IL1RAPL2: variants seen among roughly 807,000 people sequenced by gnomAD.
IL1RAPL2 encodes X-linked interleukin-1 receptor accessory protein-like 2.
IL1RAPL2 carries 3 observed loss-of-function variants against 44.1 expected under a neutral mutation model. The observed-to-expected ratio is 0.07, with a 90% CI of 0.03 to 0.18. The LOEUF is 0.18. Ranked by LOEUF, IL1RAPL2 falls within the 10% of genes least tolerant of loss-of-function variation. The pLI is 1.00. For missense variants in IL1RAPL2, 391 were observed against 496.4 expected, an observed-to-expected ratio of 0.79 and a Z score of 2.02; for synonymous variants, 181 against 178.8, an observed-to-expected ratio of 1.01 and a Z score of -0.10.
intron 2 of IL1RAPL2, among the ~76,000 whole-genome samples, chrX:105,190,444 A>C (rs2147609853): frequency 8.9e-6 from 1 of 112,488 alleles, no homozygotes; most frequent in East Asian, 2.8e-4. Context: ...TCTAGTGGTA[A>C]TTTTATGAAT....
intron 1 of IL1RAPL2, among the ~76,000 whole-genome samples, chrX:104,582,044 G>A (rs749318051): frequency 4.5e-5 from 5 of 111,640 alleles, no homozygotes; most frequent in Non-Finnish European, 7.5e-5. Context: ...AGAACTTAAA[G>A]GATATACTTG....
chrX:105,516,106 T>C (rs1157383689), intron 6 of IL1RAPL2, among the ~76,000 whole-genome samples: 2 of 111,448 alleles, frequency 1.8e-5, no homozygotes, highest in African/African-American at 6.5e-5. Context: ...TATGAATAAA[T>C]AAAAGACCAG....
intron 5 of IL1RAPL2, among the ~76,000 whole-genome samples, chrX:105,337,637 A>G (rs1330480021): frequency 3.6e-5 from 4 of 112,011 alleles, no homozygotes; most frequent in Non-Finnish European, 5.6e-5. Context: ...CACGCCTGTA[A>G]TCCCAGCACT....
intron 2 of IL1RAPL2, among the ~76,000 whole-genome samples, chrX:105,034,832 C>G (rs1270954813): frequency 8.9e-6 from 1 of 112,350 alleles, no homozygotes; most frequent in Non-Finnish European, 1.9e-5. Flanking sequence ...TGTGCCCTGC[C>G]CCCAGTGGTG....
At chrX:104,645,219 G>T (rs777241746) in intron 1 of IL1RAPL2, among the ~76,000 whole-genome samples, 1 of 111,429 alleles carries the variant, frequency 9.0e-6, no homozygotes, top group East Asian at 2.8e-4. Context: ...GTGACATGAA[G>T]TACCATCTCT....
chrX:105,224,090 G>A (rs1344621107), intron 3 of IL1RAPL2, among the ~76,000 whole-genome samples: 1 of 110,075 alleles, frequency 9.1e-6, no homozygotes, highest in Non-Finnish European at 1.9e-5. Context: ...TGGAGATGAA[G>A]GTTGGAAGGA....
At chrX:104,868,332 A>G (rs1290146235) in intron 2 of IL1RAPL2, among the ~76,000 whole-genome samples, 4 of 112,135 alleles carry the variant, frequency 3.6e-5, no homozygotes, top group African/African-American at 6.5e-5. Context: ...CTATATGTAG[A>G]CATGTGTTTG....
At chrX:105,159,292 A>C (rs754800203) in intron 2 of IL1RAPL2, among the ~76,000 whole-genome samples, 2 of 112,053 alleles carry the variant, frequency 1.8e-5, no homozygotes, top group Non-Finnish European at 3.8e-5. Flanking sequence ...ATAAAGGTCA[A>C]GAGTGGAGAT....
intron 5 of IL1RAPL2, among the ~76,000 whole-genome samples, chrX:105,413,936 T>C (rs923489289): frequency 2.7e-5 from 3 of 112,277 alleles, no homozygotes; most frequent in Non-Finnish European, 5.6e-5. Flanking sequence ...TAATAATTTT[T>C]AATATTGACT....
At chrX:104,674,206 G>T (rs1158728839) in intron 2 of IL1RAPL2, among the ~76,000 whole-genome samples, 6 of 111,940 alleles carry the variant, frequency 5.4e-5, no homozygotes, top group African/African-American at 2.0e-4. Flanking sequence ...TCCAGTTTTT[G>T]CCCATTCAGT....
chrX:104,755,392 CA>C (rs1164761286), intron 2 of IL1RAPL2, among the ~76,000 whole-genome samples: 131 of 107,753 alleles, frequency 1.2e-3, no homozygotes, highest in Admixed American at 1.6e-3. Flanking sequence ...ATCATAAAAA[CA>C]AAAAAAAATC....
rs1383483656 is a variant in IL1RAPL2 at position 105,720,970 on chromosome X, A to G, written c.902+3474A>G. 2.7e-5 allele frequency among the ~76,000 whole-genome samples: 3 copies of G among 110,195 alleles called. No homozygotes were observed. The South Asian group carries it at 1.2e-3, about 43-fold the overall frequency. ...ATGTCTAGGTATTCAGGCAAGAGAAAAGGAAATATATGTGCATACAAAGAC... is the reference window on the plus strand; with the variant it reads ...ATGTCTAGGTATTCAGGCAAGAGAAGAGGAAATATATGTGCATACAAAGAC... On this transcript the variant is annotated intron_variant, in intron 7 of 10. Transcript: ENST00000372582.
intron 5 of IL1RAPL2, among the ~76,000 whole-genome samples, chrX:105,445,420 T>A (rs1569441823): frequency 9.0e-6 from 1 of 111,619 alleles, no homozygotes; most frequent in Non-Finnish European, 1.9e-5. Flanking sequence ...TCTTTATTAT[T>A]TCTTTTCCTC....
chrX:104,799,765 G>T (rs1482302022), intron 2 of IL1RAPL2, among the ~76,000 whole-genome samples: 1 of 111,460 alleles, frequency 9.0e-6, no homozygotes, highest in Non-Finnish European at 1.9e-5. Context: ...ACTGAAGAAA[G>T]ATTCAGTCAA....
At chrX:105,622,558 T>C (rs2037427642) in intron 6 of IL1RAPL2, among the ~76,000 whole-genome samples, 1 of 111,063 alleles carries the variant, frequency 9.0e-6, no homozygotes, top group South Asian at 3.8e-4. Context: ...TGAGGTTATC[T>C]CTTCCAGCTT....
chrX:104,801,985 A>G (rs1277285998), intron 2 of IL1RAPL2, among the ~76,000 whole-genome samples: 1 of 111,383 alleles, frequency 9.0e-6, no homozygotes, highest in African/African-American at 3.3e-5. Context: ...CCTTCCTACC[A>G]TCCCTTAATA....
At chrX:105,506,639 C>G (rs2147784285) in intron 6 of IL1RAPL2, among the ~76,000 whole-genome samples, 1 of 111,513 alleles carries the variant, frequency 9.0e-6, no homozygotes, top group Non-Finnish European at 1.9e-5. Flanking sequence ...TTGGTTCCAC[C>G]TCTGAAAAGG....
At chrX:104,846,834 T>C (rs1922065373) in intron 2 of IL1RAPL2, among the ~76,000 whole-genome samples, 2 of 112,101 alleles carry the variant, frequency 1.8e-5, no homozygotes, top group Non-Finnish European at 3.8e-5. Flanking sequence ...GTGTTCCTAT[T>C]TCTCCACAAC....
chrX:105,113,973 T>G (rs991059046), intron 2 of IL1RAPL2, among the ~76,000 whole-genome samples: 3 of 112,030 alleles, frequency 2.7e-5, no homozygotes, highest in Admixed American at 9.5e-5. Flanking sequence ...TAACTGATTT[T>G]GGGCATATTA....
Sources: allele counts gnomAD v4.1 joint callset (sites outside exome capture counted in the v4.1 genomes callset), GRCh38; gene constraint gnomAD v4.1.1; transcripts MANE v1.5; gene names NCBI Gene and HGNC (gene_info 2026-07-23, HGNC 2026-07-21).